Variants in PACS1 observed in about 807,000 individuals in gnomAD.
PACS1 encodes phosphofurin acidic cluster sorting protein 1.
Under a neutral mutation model 115.0 loss-of-function variants are expected in PACS1, and 24 were observed. The observed-to-expected ratio is 0.21, with a 90% CI of 0.15 to 0.29. The LOEUF is 0.29. PACS1 is among the 10% of genes least tolerant of loss of function. The pLI, the probability that PACS1 is intolerant of heterozygous loss-of-function variation, is 1.00. For missense variants in PACS1, 838 were observed against 1,251.2 expected (o/e 0.67, Z 4.98); for synonymous variants, 453 against 504.5 (o/e 0.90, Z 1.37).
At chr11:66,209,920 A>G (rs1225140988) in intron 2 of PACS1, among the ~76,000 whole-genome samples, 1 of 151,984 alleles carries the variant, frequency 6.6e-6, no homozygotes, top group African/African-American at 2.4e-5. Flanking sequence ...AATAAAATTT[A>G]ATTTTTTTTT....
chr11:66,077,415 G>A (rs1214453071), intron 1 of PACS1, among the ~76,000 whole-genome samples: 2 of 152,146 alleles, frequency 1.3e-5, no homozygotes, highest in Non-Finnish European at 2.9e-5. Context: ...AACAAAATTA[G>A]CCAGGTGTGG....
At chr11:66,215,915 AAT>A (rs1565150559) in intron 4 of PACS1, among the ~76,000 whole-genome samples, 144 of 143,882 alleles carry the variant, frequency 1.0e-3, no homozygotes, top group Admixed American at 2.1e-3. Flanking sequence ...TAATAATAAT[AAT>A]AATAATAATA....
chr11:66,221,379 G>A, intron 10 of PACS1, 132 bp downstream of exon 10: 1 of 744,916 alleles, frequency 1.3e-6, no homozygotes, highest in African/African-American at 1.7e-5. Context: ...TGGGCATGGT[G>A]GATCACAACT....
intron 1 of PACS1, among the ~76,000 whole-genome samples, chr11:66,088,476 A>G (rs146513911): frequency 1.6e-3 from 244 of 152,238 alleles, no homozygotes; most frequent in Middle Eastern, 6.8e-3. Flanking sequence ...TGATACGGAT[A>G]CTCAACCCTG....
At chr11:66,081,334 G>A (rs1267838996) in intron 1 of PACS1, among the ~76,000 whole-genome samples, 4 of 152,274 alleles carry the variant, frequency 2.6e-5, no homozygotes, top group South Asian at 2.1e-4. Flanking sequence ...CATGTTAATC[G>A]TGTGTGTGGC....
intron 2 of PACS1, among the ~76,000 whole-genome samples, chr11:66,200,048 CAAAAA>C (rs148337835): frequency 7.0e-6 from 1 of 142,466 alleles, no homozygotes; most frequent in Admixed American, 7.0e-5. Context: ...CAAAACAAAA[CAAAAA>C]AAAAAACAAG....
chr11:66,070,339 C>A lies in PACS1; in HGVS notation c.-148C>A, dbSNP rs1002443672. The A allele has an allele frequency of 9.8e-6, 3 of 304,964 alleles. No homozygotes were observed. The highest frequency in any genetic ancestry group is 1.6e-4 in the East Asian group (2 of 12,130). The allele number at this position is 304,964 out of a possible 1,614,324, so 18.9% of individuals were successfully genotyped here. A position where few individuals can be genotyped will look rare whatever the true frequency, so the allele number is the denominator to read the frequency against. The stretch of plus-strand genomic sequence containing the variant: ...AGCGCGAGGCCCGCGCGCCCAGAGG[C>A]CCCGCGCGTGCGTGCAGCTCGCTGG... On this transcript the variant is annotated 5_prime_UTR_variant, in exon 1 of 24. Transcript: ENST00000320580. This position sits in a 1 kb window ranked among gnomAD's most constrained non-coding sequence, Gnocchi z 5.9.
intron 1 of PACS1, among the ~76,000 whole-genome samples, chr11:66,077,724 C>T (rs548011156): frequency 9.4e-6 from 1 of 106,052 alleles, no homozygotes; most frequent in South Asian, 3.2e-4. Context: ...TTTTTTGAGA[C>T]GGAGTTTTGC....
At chr11:66,192,551 G>A (rs1325857404) in intron 1 of PACS1, among the ~76,000 whole-genome samples, 3 of 152,254 alleles carry the variant, frequency 2.0e-5, no homozygotes, top group East Asian at 1.9e-4. Context: ...AGGGGCCTGA[G>A]CAGGGCCTAG....
chr11:66,147,493 C>G (rs866983264), intron 1 of PACS1, among the ~76,000 whole-genome samples: 1 of 152,096 alleles, frequency 6.6e-6, no homozygotes, highest in African/African-American at 2.4e-5. Context: ...AAAGAACATT[C>G]TCCTGGTAAG....
chr11:66,169,605 G>T (rs1197798318), intron 1 of PACS1, among the ~76,000 whole-genome samples: 5 of 145,696 alleles, frequency 3.4e-5, no homozygotes, highest in Non-Finnish European at 7.4e-5. Context: ...TAGAGATGGG[G>T]TTTCATTCAC....
chr11:66,225,429 C>T (rs1321114204), intron 10 of PACS1, among the ~76,000 whole-genome samples: 1 of 152,092 alleles, frequency 6.6e-6, no homozygotes, highest in Non-Finnish European at 1.5e-5. Flanking sequence ...GGAATTTGTC[C>T]CCAGGAGGAT....
intron 1 of PACS1, among the ~76,000 whole-genome samples, chr11:66,166,288 C>A (rs1859600042): frequency 1.3e-5 from 2 of 152,224 alleles, no homozygotes; most frequent in South Asian, 4.1e-4. Flanking sequence ...GCTGGGACTA[C>A]AGGTGCCCGC....
chr11:66,216,857 G>A lies in PACS1; in HGVS notation c.978+82G>A, dbSNP rs762704363. On this transcript the variant is annotated intron_variant, in intron 7 of 23. Transcript: ENST00000320580. ...TGGCAGCAGCATATTCAGGCCTAGT[G>A]GAGACTTCTTAAAATCAACACAGGG... 35 of 894,332 alleles carry A rather than the reference G, an allele frequency of 3.9e-5. 3 individuals carry two copies. In the South Asian group the frequency reaches 4.8e-4, roughly 12 times the overall value. 55.4% of individuals were successfully genotyped at this position (894,332 alleles called of 1,614,324 possible).
At chr11:66,129,299 G>A (rs997608581) in intron 1 of PACS1, among the ~76,000 whole-genome samples, 1 of 151,622 alleles carries the variant, frequency 6.6e-6, no homozygotes, top group Admixed American at 6.6e-5. Flanking sequence ...AGGTGTGGTG[G>A]CGCGCACTTG....
At chr11:66,120,997 G>A in intron 1 of PACS1, 1 of 456,126 alleles carries the variant, frequency 2.2e-6, no homozygotes, top group Non-Finnish European at 4.4e-6. Flanking sequence ...CTTTTATTGT[G>A]CTTCACTTTC....
At chr11:66,146,795 C>G in intron 1 of PACS1, among the ~76,000 whole-genome samples, 1 of 152,128 alleles carries the variant, frequency 6.6e-6, no homozygotes, top group East Asian at 1.9e-4. Context: ...GCCTGTAACC[C>G]CAGCACCCCA....
chr11:66,074,909 C>A (rs1017410391), intron 1 of PACS1, among the ~76,000 whole-genome samples: 1 of 150,272 alleles, frequency 6.7e-6, no homozygotes. Context: ...CTCTTCCATG[C>A]ATTAGTTTAA....
intron 2 of PACS1, among the ~76,000 whole-genome samples, chr11:66,206,269 A>G (rs1281343701): frequency 6.6e-6 from 1 of 152,234 alleles, no homozygotes; most frequent in African/African-American, 2.4e-5. Flanking sequence ...ACTGCAAAAG[A>G]AGATATACTG....
Sources: gnomAD v4.1 joint callset for allele counts (sites outside exome capture counted in the v4.1 genomes callset) on GRCh38, gnomAD v4.1.1 for gene constraint, Gnocchi (gnomAD v3.1) non-coding constraint, MANE v1.5 for transcripts, NCBI Gene and HGNC (gene_info 2026-07-23, HGNC 2026-07-21) for gene names.